The following CGNL1 variants were observed in gnomAD, a reference collection of about 807,000 sequenced individuals.
The protein encoded by CGNL1 is cingulin like 1, also known as cingulin-like protein 1.
A neutral mutation model predicts 141.2 loss-of-function variants in CGNL1; 132 were observed. The ratio of observed to expected loss-of-function variants is 0.93; its 90% CI spans 0.81 to 1.08. The LOEUF (loss-of-function observed/expected upper bound fraction) is 1.08, where lower values mean the gene tolerates loss of function less well. Among genes scored for constraint, CGNL1 ranks in the 50% least tolerant of loss-of-function variants. The pLI is 0.00. For missense variants in CGNL1, 1,870 were observed against 1,588.6 expected (o/e 1.18, Z -3.01); for synonymous variants, 690 against 622.1 (o/e 1.11, Z -1.63).
rs182623732 is a variant in CGNL1 at position 57,437,977 on chromosome 15, C to G, written c.-15-8C>G. ...ATGTCCTCTTTTTACCCCATCTCTC[C>G]CTGGTAGCTGGAACAGTGAACCATG... On this transcript the variant is annotated splice_region_variant and splice_polypyrimidine_tract_variant and intron_variant, in intron 1 of 18. Coordinates refer to ENST00000281282, the MANE Select transcript of CGNL1 (RefSeq NM_032866.5). 1 of 1,598,232 alleles carries G rather than the reference C, an allele frequency of 6.3e-7. No individual in the cohort carries two copies. Among genetic ancestry groups the G allele is most frequent in the African/African-American group, 1.3e-5 (1 of 74,614 alleles).
intron 6 of CGNL1, 145 bp downstream of exon 6, chr15:57,452,434 A>G: frequency 2.8e-6 from 2 of 715,186 alleles, no homozygotes; most frequent in East Asian, 5.6e-5. Context: ...TATCTTTGTA[A>G]AATTATGAAG....
rs768966823 is a variant in CGNL1 at position 57,451,626 on chromosome 15, T to A, written c.1905+25T>A. On this transcript the variant is annotated intron_variant, in intron 5 of 18. Coordinates refer to ENST00000281282, the MANE Select transcript of CGNL1 (RefSeq NM_032866.5). ...GGTATCTGGTTTTTCCTTTATGTTA[T>A]TTTTTCCATTTCTGTCTTGGTTGAT... is the stretch of plus-strand genomic sequence containing the variant. 4 of 1,509,940 alleles carry A rather than the reference T, an allele frequency of 2.6e-6. No individual in the cohort carries two copies. In the South Asian group the frequency reaches 4.7e-5, roughly 18 times the overall value. The allele number at this position is 1,509,940 out of a possible 1,614,324, so 93.5% of individuals were successfully genotyped here.
intron 1 of CGNL1, among the ~76,000 whole-genome samples, chr15:57,380,126 G>A (rs543886389): frequency 2.6e-5 from 4 of 152,236 alleles, no homozygotes; most frequent in South Asian, 2.1e-4. Context: ...TCCGCCTCCC[G>A]GGTTAAAGCA....
At chr15:57,439,669 T>A in intron 2 of CGNL1, 68 bp downstream of exon 2, 2 of 1,457,832 alleles carry the variant, frequency 1.4e-6, no homozygotes, top group Non-Finnish European at 9.4e-7. Context: ...GATGTACTTA[T>A]GCTGCAGGAG....
chr15:57,398,780 G>A (rs2062629342), intron 1 of CGNL1, among the ~76,000 whole-genome samples: 1 of 152,194 alleles, frequency 6.6e-6, no homozygotes, highest in African/African-American at 2.4e-5. Flanking sequence ...AGAGCATTTT[G>A]AATAGAGAAC....
intron 14 of CGNL1, among the ~76,000 whole-genome samples, chr15:57,538,564 C>A (rs980683322): frequency 1.3e-5 from 2 of 152,188 alleles, no homozygotes; most frequent in African/African-American, 2.4e-5. Context: ...GGGATGCTGC[C>A]ATGCTAAGTG....
chr15:57,387,072 G>A (rs1041844188), intron 1 of CGNL1, among the ~76,000 whole-genome samples: 1 of 152,188 alleles, frequency 6.6e-6, no homozygotes. Context: ...GACCCGTAGA[G>A]CAGTCACTCC....
intron 1 of CGNL1, among the ~76,000 whole-genome samples, chr15:57,405,585 G>C (rs937629097): frequency 6.6e-6 from 1 of 152,170 alleles, no homozygotes; most frequent in Non-Finnish European, 1.5e-5. Flanking sequence ...CTTGGTGAGT[G>C]GGGAGCAGAG....
chr15:57,539,954 A>G (rs1367706538), intron 14 of CGNL1, among the ~76,000 whole-genome samples: 1 of 152,200 alleles, frequency 6.6e-6, no homozygotes, highest in African/African-American at 2.4e-5. Flanking sequence ...AAATGAGATA[A>G]TACTATTCAA....
Position 57,550,016 on chromosome 15 carries a change from G to A in CGNL1, c.*2526G>A, listed in dbSNP as rs1490232175. 6.6e-6 allele frequency: 1 copy of A among 152,178 alleles called. No individual in the cohort carries two copies. 9.4% of individuals were successfully genotyped at this position (152,178 alleles called of 1,614,324 possible). On this transcript the variant is annotated 3_prime_UTR_variant, in exon 19 of 19. Coordinates refer to ENST00000281282, the MANE Select transcript of CGNL1 (RefSeq NM_032866.5). ...TGAGAAAGTAGCTGCCCCTCATTCT[G>A]GCCAGTTCTTTCCAGTAGCCATGGG...
In CGNL1 at chr15:57,385,111, G is replaced by A. The variant is rs188262104; in HGVS notation, c.-16+8544G>A. Reference sequence around the variant, plus strand: ...CCCTTCAGACTTCCATGCATTGTTCGGGGCTGCTCTTGTCATCAGGGTCTG... The same window carrying A: ...CCCTTCAGACTTCCATGCATTGTTCAGGGCTGCTCTTGTCATCAGGGTCTG... On this transcript the variant is annotated intron_variant, in intron 1 of 18. Coordinates refer to ENST00000281282, the MANE Select transcript of CGNL1 (RefSeq NM_032866.5). 6.4e-4 allele frequency among the ~76,000 whole-genome samples: 98 copies of A among 152,282 alleles called. 1 individual carries two copies. The highest frequency in any genetic ancestry group is 2.2e-3 in the African/African-American group (93 of 41,556).
chr15:57,493,651 G>A (rs1292151240), intron 8 of CGNL1, among the ~76,000 whole-genome samples: 1 of 152,184 alleles, frequency 6.6e-6, no homozygotes, highest in African/African-American at 2.4e-5. Flanking sequence ...ACTTCTGGAT[G>A]ATCGTAAGCT....
intron 14 of CGNL1, among the ~76,000 whole-genome samples, chr15:57,537,837 TCTGTTTTTAATTTGA>T (rs2032345406): frequency 2.6e-5 from 4 of 152,370 alleles, no homozygotes; most frequent in African/African-American, 9.6e-5. Context: ...CAGCTCCTGT[TCTGTTTTTAATTTGA>T]CTGGAAAGTT....
chr15:57,492,359 C>A (rs1300016370), intron 8 of CGNL1, among the ~76,000 whole-genome samples: 1 of 152,170 alleles, frequency 6.6e-6, no homozygotes, highest in Non-Finnish European at 1.5e-5. Flanking sequence ...ACACTCCAAT[C>A]CTACCTAATA....
chr15:57,408,099 G>A (rs1303698699), intron 1 of CGNL1, among the ~76,000 whole-genome samples: 1 of 152,088 alleles, frequency 6.6e-6, no homozygotes, highest in Non-Finnish European at 1.5e-5. Context: ...CAGTGAGAGG[G>A]TGCAGTAAGT....
chr15:57,504,936 A>T (rs1335392520), intron 8 of CGNL1, among the ~76,000 whole-genome samples: 1 of 152,178 alleles, frequency 6.6e-6, no homozygotes, highest in Admixed American at 6.5e-5. Flanking sequence ...TTTAAAACAG[A>T]TGAGGGCTGG....
At chr15:57,445,011 C>T (rs867874139) in intron 4 of CGNL1, among the ~76,000 whole-genome samples, 16 of 152,128 alleles carry the variant, frequency 1.1e-4, no homozygotes, top group African/African-American at 2.4e-4. Context: ...CCTGTAACCC[C>T]GGCACTTTGG....
At chr15:57,481,867 T>C (rs1210565055) in intron 8 of CGNL1, among the ~76,000 whole-genome samples, 2 of 152,230 alleles carry the variant, frequency 1.3e-5, no homozygotes, top group African/African-American at 4.8e-5. Flanking sequence ...TGCACCATTT[T>C]GCATTCCCAA....
intron 8 of CGNL1, among the ~76,000 whole-genome samples, chr15:57,494,188 T>C (rs2063904977): frequency 6.6e-6 from 1 of 152,252 alleles, no homozygotes; most frequent in African/African-American, 2.4e-5. Context: ...GTTTTACATT[T>C]ATAGGTTCAA....
Sources: allele counts gnomAD v4.1 joint callset (sites outside exome capture counted in the v4.1 genomes callset), GRCh38; gene constraint gnomAD v4.1.1; transcripts MANE v1.5; gene names NCBI Gene and HGNC (gene_info 2026-07-23, HGNC 2026-07-21).